Variants in IGF2R observed in about 807,000 individuals in gnomAD.
IGF2R encodes cation-independent mannose-6-phosphate receptor.
In IGF2R, 91 loss-of-function variants were observed where a neutral mutation model predicts 270.6. The ratio of observed to expected loss-of-function variants is 0.34; its 90% confidence interval spans 0.28 to 0.40. The LOEUF (loss-of-function observed/expected upper bound fraction) is 0.40, where lower values mean the gene tolerates loss of function less well. IGF2R is among the 10% of genes least tolerant of loss of function. The pLI, the probability that IGF2R is intolerant of heterozygous loss-of-function variation, is 1.00. For synonymous variants in IGF2R, 1,316 were observed against 1,258.9 expected, an observed-to-expected ratio of 1.05 and a Z score of -0.96; for missense variants, 2,805 against 3,188.3, an observed-to-expected ratio of 0.88 and a Z score of 2.90.
At chr6:160,076,036 G>A (rs2115278297) in intron 36 of IGF2R, 40 bp downstream of exon 36, 3 of 1,602,090 alleles carry the variant, frequency 1.9e-6, no homozygotes, top group Non-Finnish European at 2.6e-6. Flanking sequence ...CTCAACTGCG[G>A]GTTAGTGAGC....
chr6:160,012,745 T>TTTTATATATA (rs1300346010), intron 4 of IGF2R, among the ~76,000 whole-genome samples: 2 of 105,332 alleles, frequency 1.9e-5, no homozygotes, highest in Non-Finnish European at 4.0e-5. Flanking sequence ...CCCGGCTAAT[T>TTTTATATATA]TATATATATA....
At chr6:160,030,009 C>G (rs1042156408) in intron 7 of IGF2R, among the ~76,000 whole-genome samples, 2 of 151,960 alleles carry the variant, frequency 1.3e-5, no homozygotes, top group Admixed American at 6.6e-5. Context: ...AGTGGAAAAA[C>G]GAAGTAGAAT....
chr6:160,104,968 G>C lies in IGF2R; in HGVS notation c.7360G>C (p.Val2454Leu), dbSNP rs772576706. The C allele has an allele frequency of 1.2e-6, 2 of 1,613,994 alleles. No individual in the cohort carries two copies. Residue 2454 changes from valine (V) to leucine (L), a missense_variant, in exon 48 of 48, where the codon GTC becomes CTC. Coordinates refer to ENST00000356956, the MANE Select transcript of IGF2R (RefSeq NM_000876.4). ...QEREDDRVGL[V>L]RGEKARKGKS... Reference sequence around the variant, plus strand: ...GCGTGAGGACGATAGGGTGGGGCTGGTCAGGGGTGAGAAGGCGAGGAAAGG... The same window carrying C: ...GCGTGAGGACGATAGGGTGGGGCTGCTCAGGGGTGAGAAGGCGAGGAAAGG...
Position 160,073,440 on chromosome 6 carries a change from T to G in IGF2R, c.4918T>G (p.Trp1640Gly). The change falls in exon 34 of 48, where the codon TGG becomes GGG. Residue 1640 changes from tryptophan to glycine, a missense_variant. By Grantham distance (184) the Trp-to-Gly change is radical. This residue lies in a region of IGF2R where 1,851 missense variants were observed against 2,207.2 expected (regional missense o/e 0.84). Transcript: ENST00000356956. ...DKQTCTLFFS[W>G]HTPLACEQAT... ...GCAGACATGCACTCTCTTCTTCTCC[T>G]GGCACACGCCGCTGGCCTGCGAGCA... 6.2e-7 allele frequency: 1 copy of G among 1,614,252 alleles called. No individual in the cohort carries two copies. Among genetic ancestry groups the G allele is most frequent in the Non-Finnish European group, 8.5e-7 (1 of 1,180,046 alleles).
intron 31 of IGF2R, among the ~76,000 whole-genome samples, chr6:160,071,121 A>C (rs1363024208): frequency 8.1e-6 from 1 of 124,014 alleles, no homozygotes; most frequent in African/African-American, 3.3e-5. Context: ...GGGAAGGATG[A>C]GGGTGGTGTG....
At chr6:160,036,270 C>T (rs1276821476) in intron 10 of IGF2R, among the ~76,000 whole-genome samples, 1 of 152,168 alleles carries the variant, frequency 6.6e-6, no homozygotes, top group Non-Finnish European at 1.5e-5. Flanking sequence ...CCATCATTCT[C>T]TCATCGCCCT....
rs781184877 is a variant in IGF2R at position 160,010,720 on chromosome 6, G to A, written c.448G>A (p.Val150Met). 1.2e-6 allele frequency: 2 copies of A among 1,610,896 alleles called. No homozygotes were observed. Among genetic ancestry groups the A allele is most frequent in the South Asian group, 1.1e-5 (1 of 90,988 alleles). Residue 150 changes from valine to methionine, a missense_variant, in exon 4 of 48, where the codon GTG (valine) becomes ATG (methionine). Val to Met is a conservative substitution (Grantham distance 21). Around this residue, in one of 2 missense-constraint regions of IGF2R, gnomAD observed 954 missense variants for 981.1 expected, o/e 0.97. Coordinates refer to ENST00000356956, the MANE Select transcript of IGF2R (RefSeq NM_000876.4). Reference sequence around the variant, plus strand: ...TGAATTTGTAACTGCAACAGAATGTGTGCACTACTTTGAGTGGAGGACCAC... The same window carrying A: ...TGAATTTGTAACTGCAACAGAATGTATGCACTACTTTGAGTGGAGGACCAC... Reference protein sequence around the residue: ...TPEFVTATECVHYFEWRTTAA... With the variant: ...TPEFVTATECMHYFEWRTTAA...
rs3765473 is a variant in IGF2R, at chr6:159,991,407, T to C, written c.289+84T>C. ...ATGACTGTGTATAGCTATACGTATA[T>C]AGCGATACAAAAATTTTGAATGTTT... On this transcript the variant is annotated intron_variant, in intron 2 of 47. Transcript: ENST00000356956. 3.1e-5 allele frequency: 35 copies of C among 1,121,020 alleles called. No individual in the cohort carries two copies. In the East Asian group the frequency reaches 7.3e-4, roughly 23 times the overall value. 69.4% of individuals were successfully genotyped at this position (1,121,020 alleles called of 1,614,324 possible).
intron 44 of IGF2R, chr6:160,094,147 A>G (rs1779293991): frequency 4.9e-6 from 2 of 411,352 alleles, no homozygotes; most frequent in South Asian, 4.0e-5. Context: ...TGTTCTGTCA[A>G]CACAAACCTG....
At position 160,093,472 on chromosome 6, in the gene IGF2R, A is replaced by G. The variant is rs142883720; in HGVS notation, c.6656-2967A>G. The G allele has an allele frequency of 1.5e-4, 74 of 498,678 alleles. 1 individual carries two copies. The East Asian group carries it at 2.3e-3, about 16-fold the overall frequency. The allele number at this position is 498,678 out of a possible 1,614,324, so 30.9% of individuals were successfully genotyped here. ...CACGATGAAGAGTTTGAGGAGATCA[A>G]GAAGGAGACTGGCTTTTCCCACAGT... On this transcript the variant is annotated intron_variant, in intron 44 of 47. Coordinates refer to ENST00000356956, the MANE Select transcript of IGF2R (RefSeq NM_000876.4).
At chr6:160,098,142 C>CT (rs1286723606) in intron 45 of IGF2R, among the ~76,000 whole-genome samples, 2 of 152,204 alleles carry the variant, frequency 1.3e-5, no homozygotes, top group Non-Finnish European at 2.9e-5. Context: ...TGCCTCCTGA[C>CT]ATGGCAGCTG....
intron 19 of IGF2R, among the ~76,000 whole-genome samples, chr6:160,055,327 C>T (rs1778288689): frequency 2.0e-5 from 3 of 152,178 alleles, no homozygotes; most frequent in Non-Finnish European, 4.4e-5. Context: ...TTCTTGGACC[C>T]TTGGTTTTCC....
At position 160,047,346 on chromosome 6, in the gene IGF2R, T is replaced by G; in HGVS notation, c.2229+10T>G. The G allele has an allele frequency of 6.4e-7, 1 of 1,573,758 alleles. No individual in the cohort carries two copies. Among genetic ancestry groups the G allele is most frequent in the South Asian group, 1.2e-5 (1 of 85,660 alleles). On this transcript the variant is annotated intron_variant, in intron 16 of 47. Coordinates refer to ENST00000356956, the MANE Select transcript of IGF2R (RefSeq NM_000876.4). ...CTTCCCTGAATATCAGGTAGGAATG[T>G]TTGTTCCTCATCGCGCTCCCTGAGG...
At chr6:160,079,936 C>T (rs533709977) in intron 38 of IGF2R, 149 bp downstream of exon 38, 80 of 982,106 alleles carry the variant, frequency 8.1e-5, no homozygotes, top group Admixed American at 5.4e-4. Flanking sequence ...CTCTGTACAC[C>T]CCCGGTGTGA....
intron 3 of IGF2R, among the ~76,000 whole-genome samples, chr6:160,009,903 T>G (rs1023439671): frequency 2.0e-5 from 3 of 152,210 alleles, no homozygotes; most frequent in Non-Finnish European, 4.4e-5. Context: ...CCACAGTGTC[T>G]TATCTGAAGA....
rs980160088 is a variant in IGF2R, at chr6:160,069,903, G to A, written c.4288G>A (p.Gly1430Ser). The change falls in exon 31 of 48, where the codon GGT (glycine) becomes AGT (serine). Residue 1430 changes from glycine to serine, a missense_variant. By Grantham distance (56) the Gly-to-Ser change is moderately conservative. Transcript: ENST00000356956. The part of the protein sequence containing the change: ...CPPEAAACLL[G>S]GSKPVNLGRV... ...TCCAGAAGCAGCCGCGTGTCTGCTG[G>A]GTGGCTCCAAGCCCGTGAACCTCGG... The A allele has an allele frequency of 2.5e-6, 4 of 1,614,068 alleles. No individual in the cohort carries two copies. The African/African-American group carries it at 5.3e-5, about 22-fold the overall frequency.
At chr6:160,031,979 C>T (rs1488280260) in intron 7 of IGF2R, among the ~76,000 whole-genome samples, 11 of 152,136 alleles carry the variant, frequency 7.2e-5, no homozygotes, top group East Asian at 1.9e-4. Flanking sequence ...ATGGCAGAAT[C>T]GGGTTTGTGT....
intron 5 of IGF2R, among the ~76,000 whole-genome samples, chr6:160,026,648 G>A (rs998219913): frequency 1.1e-4 from 16 of 152,250 alleles, no homozygotes; most frequent in African/African-American, 3.6e-4. Flanking sequence ...CTGGCAATCT[G>A]TAAAGCCTGC....
At chr6:160,087,883 T>G in intron 41 of IGF2R, 150 bp from the exon 42 acceptor site, 1 of 583,710 alleles carries the variant, frequency 1.7e-6, no homozygotes, top group Non-Finnish European at 3.2e-6. Flanking sequence ...ACCATGTTGG[T>G]CAGGCTGGTC....
Sources: gnomAD v4.1 joint callset for allele counts (sites outside exome capture counted in the v4.1 genomes callset) on GRCh38, gnomAD v4.1.1 for gene constraint, gnomAD v4.1.1 regional missense constraint, MANE v1.5 for transcripts, NCBI Gene and HGNC (gene_info 2026-07-23, HGNC 2026-07-21) for gene names.